Variants in DENND1A observed in about 807,000 individuals in gnomAD.
DENND1A encodes the protein DENN domain containing 1A.
In DENND1A, 51 loss-of-function variants were observed where a neutral mutation model predicts 113.7. The ratio of observed to expected loss-of-function variants is 0.45; its 90% CI spans 0.36 to 0.57. The LOEUF is 0.57. DENND1A is among the 20% of genes least tolerant of loss of function. DENND1A has a pLI of 0.00. For synonymous variants in DENND1A, 565 were observed against 570.8 expected, an observed-to-expected ratio of 0.99 and a Z score of 0.14; for missense variants, 1,258 against 1,395.9, an observed-to-expected ratio of 0.90 and a Z score of 1.57.
chr9:123,485,726 G>C (rs190574153), intron 13 of DENND1A: 12 of 152,254 alleles, frequency 7.9e-5, no homozygotes, highest in Admixed American at 5.9e-4. Context: ...AAAGAAGCCT[G>C]AGCATCCAAG....
At chr9:123,654,929 T>C (rs1337598882) in intron 8 of DENND1A, among the ~76,000 whole-genome samples, 1 of 152,116 alleles carries the variant, frequency 6.6e-6, no homozygotes, top group East Asian at 1.9e-4. Context: ...GCAGTTCCCA[T>C]CAAGCCTCAG....
chr9:123,558,442 G>T (rs942295679), intron 12 of DENND1A, among the ~76,000 whole-genome samples: 20 of 152,324 alleles, frequency 1.3e-4, no homozygotes, highest in African/African-American at 4.8e-4. Context: ...AAACTCGGAA[G>T]TGATGGTAAT....
chr9:123,718,598 T>C (rs897964062), intron 5 of DENND1A, among the ~76,000 whole-genome samples: 4 of 152,320 alleles, frequency 2.6e-5, no homozygotes, highest in Admixed American at 6.5e-5. Flanking sequence ...ACAGTGAGGA[T>C]TGTATGCTTG....
intron 13 of DENND1A, among the ~76,000 whole-genome samples, chr9:123,514,907 A>G (rs1267733992): frequency 2.0e-5 from 3 of 152,188 alleles, no homozygotes; most frequent in Non-Finnish European, 4.4e-5. Flanking sequence ...CTCACGGAGG[A>G]AAGGGCTGAC....
intron 13 of DENND1A, chr9:123,485,656 G>GCGCGCACACACACACACACACA (rs765633751): frequency 2.1e-5 from 3 of 141,156 alleles, no homozygotes; most frequent in Non-Finnish European, 4.5e-5. Flanking sequence ...GCGCGCGCGC[G>GCGCGCACACACACACACACACA]CACACACACA....
intron 13 of DENND1A, among the ~76,000 whole-genome samples, chr9:123,555,994 T>C (rs2136003799): frequency 6.6e-6 from 1 of 152,328 alleles, no homozygotes; most frequent in East Asian, 1.9e-4. Flanking sequence ...GGAAGACAAC[T>C]GTATTTTCCT....
intron 13 of DENND1A, among the ~76,000 whole-genome samples, chr9:123,490,351 G>A (rs924902741): frequency 2.0e-5 from 3 of 152,124 alleles, no homozygotes; most frequent in African/African-American, 4.8e-5. Flanking sequence ...AGTCGGAGGC[G>A]GAGGTGGGCA....
At chr9:123,479,291 G>C (rs190579702) in intron 13 of DENND1A, among the ~76,000 whole-genome samples, 1 of 152,194 alleles carries the variant, frequency 6.6e-6, no homozygotes, top group Non-Finnish European at 1.5e-5. Context: ...CCTCTCATTT[G>C]CTCTTGATGA....
chr9:123,608,102 T>A (rs181522160), intron 11 of DENND1A, among the ~76,000 whole-genome samples: 3 of 152,244 alleles, frequency 2.0e-5, no homozygotes, highest in African/African-American at 7.2e-5. Flanking sequence ...TCCCAGATAG[T>A]CCATAAACTG....
chr9:123,652,221 G>C, intron 8 of DENND1A, 98 bp from the exon 9 acceptor site: 1 of 1,026,016 alleles, frequency 9.7e-7, no homozygotes, highest in Non-Finnish European at 1.4e-6. Context: ...TAATCAGAAA[G>C]TATACTCTGT....
chr9:123,768,513 C>A (rs78150652), intron 4 of DENND1A, among the ~76,000 whole-genome samples: 306 of 152,214 alleles, frequency 2.0e-3, no homozygotes, highest in Non-Finnish European at 2.9e-3. Context: ...TGAAGATAAG[C>A]ACAAATTTTA....
At chr9:123,674,760 G>C (rs181022806) in intron 6 of DENND1A, among the ~76,000 whole-genome samples, 72 of 151,854 alleles carry the variant, frequency 4.7e-4, no homozygotes, top group Admixed American at 4.7e-3. Flanking sequence ...TGTGTAGGTT[G>C]TACCTACCCT....
intron 4 of DENND1A, among the ~76,000 whole-genome samples, chr9:123,761,697 C>T (rs1564216930): frequency 6.6e-6 from 1 of 152,254 alleles, no homozygotes; most frequent in East Asian, 1.9e-4. Flanking sequence ...AACCAGTAGG[C>T]TCTAAAAGAT....
At chr9:123,450,621 C>A (rs2047648560) in intron 18 of DENND1A, 72 bp downstream of exon 18, 3 of 1,249,890 alleles carry the variant, frequency 2.4e-6, no homozygotes, top group South Asian at 1.3e-5. Context: ...CTCTATTGAT[C>A]CCCTCATACT....
chr9:123,752,660 T>C (rs1564198872), intron 5 of DENND1A, among the ~76,000 whole-genome samples: 1 of 152,262 alleles, frequency 6.6e-6, no homozygotes, highest in Admixed American at 6.5e-5. Flanking sequence ...AAATCGCATC[T>C]TTCATTACAG....
At chr9:123,849,818 C>G (rs968564275) in intron 2 of DENND1A, among the ~76,000 whole-genome samples, 1 of 152,104 alleles carries the variant, frequency 6.6e-6, no homozygotes, top group Non-Finnish European at 1.5e-5. Context: ...TTGGAAGAAG[C>G]TGATTCCAGC....
At chr9:123,803,855 T>G (rs905241126) in intron 2 of DENND1A, among the ~76,000 whole-genome samples, 3 of 152,220 alleles carry the variant, frequency 2.0e-5, no homozygotes, top group Admixed American at 1.3e-4. Flanking sequence ...CCTACTCTCT[T>G]GGACCCATGA....
intron 12 of DENND1A, among the ~76,000 whole-genome samples, chr9:123,575,092 G>A (rs1273222018): frequency 1.3e-5 from 2 of 152,154 alleles, no homozygotes; most frequent in Non-Finnish European, 1.5e-5. Context: ...GCAGTCCCAC[G>A]ACCTTTTTGG....
chr9:123,683,440 A>G (rs911020237), intron 5 of DENND1A, among the ~76,000 whole-genome samples: 8 of 152,234 alleles, frequency 5.3e-5, no homozygotes, highest in Admixed American at 2.0e-4. Context: ...TTATTAAGTC[A>G]GAAAAATTAT....
Sources: gnomAD v4.1 joint callset for allele counts (sites outside exome capture counted in the v4.1 genomes callset) on GRCh38, gnomAD v4.1.1 for gene constraint, MANE v1.5 for transcripts, NCBI Gene and HGNC (gene_info 2026-07-23, HGNC 2026-07-21) for gene names.